TMBIM6: variants seen among roughly 807,000 people sequenced by gnomAD.
TMBIM6 encodes bax inhibitor 1.
Under a neutral mutation model 31.4 loss-of-function variants are expected in TMBIM6, and 13 were observed. That is an observed-to-expected ratio of 0.41 (90% CI 0.27 to 0.66). TMBIM6 has a LOEUF of 0.66. Among genes scored for constraint, TMBIM6 ranks in the 30% least tolerant of loss-of-function variants. The pLI is 0.28. For missense variants in TMBIM6, 275 were observed against 289.5 expected, an observed-to-expected ratio of 0.95 and a Z score of 0.36; for synonymous variants, 85 against 101.7, an observed-to-expected ratio of 0.84 and a Z score of 0.99.
intron 4 of TMBIM6, among the ~76,000 whole-genome samples, chr12:49,756,071 G>T (rs576768567): frequency 6.6e-6 from 1 of 152,044 alleles, no homozygotes; most frequent in African/African-American, 2.4e-5. Flanking sequence ...CTGACCTCAT[G>T]ATCCGCCCGT....
intron 1 of TMBIM6, among the ~76,000 whole-genome samples, chr12:49,751,252 C>T (rs1211617710): frequency 6.6e-6 from 1 of 152,090 alleles, no homozygotes; most frequent in Non-Finnish European, 1.5e-5. Context: ...ATAAGGTCTG[C>T]AGATTAGAAA....
Position 49,742,138 on chromosome 12 carries a change from T to C in TMBIM6, c.-31+527T>C, listed in dbSNP as rs754224843. 11 of 1,610,978 alleles carry C rather than the reference T, an allele frequency of 6.8e-6. No homozygotes were observed. In the Admixed American group the frequency reaches 1.7e-4, roughly 25 times the overall value. On this transcript the variant is annotated intron_variant, in intron 1 of 9. Transcript: ENST00000267115. Reference sequence around the variant, plus strand: ...GAGGTAGGGCCTGGCGGGCGGGTGATGTCACACTCCTCTGTGACACGCGAG... The same window carrying C: ...GAGGTAGGGCCTGGCGGGCGGGTGACGTCACACTCCTCTGTGACACGCGAG...
In TMBIM6 at chr12:49,753,783, C is replaced by T. The variant is rs150001663; in HGVS notation, c.165+702C>T. ...TACTTTAGACACTCAAAGGATAGGG[C>T]TTTGATCGCTTGAGTTTTAGGCAAG... On this transcript the variant is annotated intron_variant, in intron 3 of 9. Transcript: ENST00000267115. Among the ~76,000 whole-genome samples the T allele has an allele frequency of 7.3e-4, 111 of 152,280 alleles. 1 individual carries two copies. The highest frequency in any genetic ancestry group is 2.6e-3 in the African/African-American group (109 of 41,556).
In TMBIM6 at chr12:49,747,083, C is replaced by G. The variant is rs186330619; in HGVS notation, c.-30-5381C>G. 4.6e-5 allele frequency among the ~76,000 whole-genome samples: 7 copies of G among 152,110 alleles called. No individual in the cohort carries two copies. In the East Asian group the frequency reaches 1.4e-3, roughly 29 times the overall value. On this transcript the variant is annotated intron_variant, in intron 1 of 9. Coordinates refer to ENST00000267115, the MANE Select transcript of TMBIM6 (RefSeq NM_003217.3). Reference sequence around the variant, plus strand: ...GATCTCGTGACCTCAGGTGATCCACCCACTTAGGCATCCCAAAGTGCTGGG... The same window carrying G: ...GATCTCGTGACCTCAGGTGATCCACGCACTTAGGCATCCCAAAGTGCTGGG...
chr12:49,757,187 C>T (rs1027130697), intron 4 of TMBIM6, among the ~76,000 whole-genome samples: 1 of 152,180 alleles, frequency 6.6e-6, no homozygotes, highest in Non-Finnish European at 1.5e-5. Flanking sequence ...GCTTTCTAAT[C>T]TCATATAGGT....
chr12:49,742,286 G>GTGGCT, intron 1 of TMBIM6: 2 of 1,581,308 alleles, frequency 1.3e-6, no homozygotes, highest in South Asian at 2.3e-5. Context: ...GGCAGGTGAG[G>GTGGCT]TGGCTTTGCT....
At chr12:49,743,796 G>C (rs1329653764) in intron 1 of TMBIM6, among the ~76,000 whole-genome samples, 1 of 152,174 alleles carries the variant, frequency 6.6e-6, no homozygotes. Context: ...AGTAAAAAGA[G>C]CACTAGACTA....
chr12:49,761,605 G>A, intron 8 of TMBIM6, 99 bp from the exon 9 acceptor site: 4 of 1,046,644 alleles, frequency 3.8e-6, no homozygotes, highest in Non-Finnish European at 5.7e-6. Context: ...GGAGAAGCTG[G>A]CTCGTGGGGG....
intron 3 of TMBIM6, among the ~76,000 whole-genome samples, chr12:49,755,392 G>A (rs1945570036): frequency 6.6e-6 from 1 of 152,134 alleles, no homozygotes; most frequent in Non-Finnish European, 1.5e-5. Context: ...TTGTACTGTA[G>A]TTGAAGGACT....
chr12:49,742,494 C>T, intron 1 of TMBIM6: 2 of 500,040 alleles, frequency 4.0e-6, no homozygotes, highest in Non-Finnish European at 3.4e-6. Flanking sequence ...TCATTGACCA[C>T]CCCCACAACA....
Position 49,759,241 on chromosome 12 carries a change from G to C in TMBIM6, c.534G>C (p.Leu178=). 6.2e-7 allele frequency: 1 copy of C among 1,614,122 alleles called. No homozygotes were observed. The highest frequency in any genetic ancestry group is 8.5e-7 in the Non-Finnish European group (1 of 1,179,998). Residue 178 remains leucine, a synonymous_variant, in exon 8 of 10, where the codon CTG becomes CTC. Transcript: ENST00000267115. ...GTTAGGCAAACCTGTATGTGGGACT[G>C]GTGGTCATGTGTGGCTTCGTCCTTT... ...WLFQANLYVG[L]VVMCGFVLFD... is the part of the protein sequence containing the mutation.
At chr12:49,746,228 G>A (rs186680468) in intron 1 of TMBIM6, among the ~76,000 whole-genome samples, 1 of 151,424 alleles carries the variant, frequency 6.6e-6, no homozygotes, top group East Asian at 1.9e-4. Flanking sequence ...GATTATAGGC[G>A]CCCACCACCA....
At chr12:49,749,776 G>C (rs1450490440) in intron 1 of TMBIM6, 1 of 152,084 alleles carries the variant, frequency 6.6e-6, no homozygotes, top group African/African-American at 2.4e-5. Flanking sequence ...ATTTACAATG[G>C]GTGTATCCAG....
intron 1 of TMBIM6, chr12:49,742,359 C>A: frequency 6.7e-7 from 1 of 1,490,672 alleles, no homozygotes; most frequent in South Asian, 1.4e-5. Flanking sequence ...CGTCGTTGGG[C>A]AGTTTTTATC....
intron 3 of TMBIM6, among the ~76,000 whole-genome samples, chr12:49,754,751 A>T (rs998724379): frequency 1.3e-5 from 2 of 152,182 alleles, no homozygotes; most frequent in South Asian, 2.1e-4. Flanking sequence ...TGGCGTTTTT[A>T]AAAAAAGAAA....
At chr12:49,754,443 A>G (rs536276097) in intron 3 of TMBIM6, among the ~76,000 whole-genome samples, 1 of 152,234 alleles carries the variant, frequency 6.6e-6, no homozygotes, top group Non-Finnish European at 1.5e-5. Flanking sequence ...TGTGAGTTCA[A>G]TGTTAAGGAA....
intron 1 of TMBIM6, among the ~76,000 whole-genome samples, chr12:49,746,104 A>G (rs1283005155): frequency 1.4e-5 from 2 of 146,840 alleles, no homozygotes; most frequent in South Asian, 4.3e-4. Flanking sequence ...CTTTTTTGAG[A>G]CAGAGTCTCA....
In TMBIM6 at chr12:49,748,209, T is replaced by G. The variant is rs12320568; in HGVS notation, c.-30-4255T>G. Among the ~76,000 whole-genome samples the G allele has an allele frequency of 5.6e-3, 850 of 152,208 alleles. 3 individuals are homozygous for G. The highest frequency in any genetic ancestry group is 0.019 in the African/African-American group (797 of 41,524). On this transcript the variant is annotated intron_variant, in intron 1 of 9. Coordinates refer to ENST00000267115, the MANE Select transcript of TMBIM6 (RefSeq NM_003217.3). ...GAGCCACCGCACCCAGCCTGTTTTTTTTTTGTTTTGTTTTGTTTTGTTTTT... is the reference window on the plus strand; with the variant it reads ...GAGCCACCGCACCCAGCCTGTTTTTGTTTTGTTTTGTTTTGTTTTGTTTTT...
At chr12:49,758,130 G>T in intron 4 of TMBIM6, 97 bp from the exon 5 acceptor site, 1 of 1,331,098 alleles carries the variant, frequency 7.5e-7, no homozygotes, top group South Asian at 1.2e-5. Flanking sequence ...CGTTTGTTAA[G>T]AGCATGAGTA....
Sources: gnomAD v4.1 joint callset for allele counts (sites outside exome capture counted in the v4.1 genomes callset) on GRCh38, gnomAD v4.1.1 for gene constraint, MANE v1.5 for transcripts, NCBI Gene and HGNC (gene_info 2026-07-23, HGNC 2026-07-21) for gene names.